NAV2: variants seen among roughly 807,000 people sequenced by gnomAD.
NAV2 encodes neuron navigator 2.
A neutral mutation model predicts 223.2 loss-of-function variants in NAV2; 54 were observed. The observed-to-expected ratio is 0.24, with a 90% CI of 0.19 to 0.30. The LOEUF (loss-of-function observed/expected upper bound fraction) is 0.30. Among genes scored for constraint, NAV2 ranks in the 10% least tolerant of loss-of-function variants. The pLI, the probability that NAV2 is intolerant of heterozygous loss-of-function variation, is 1.00. For missense variants in NAV2, 2,806 were observed against 3,147.5 expected, an observed-to-expected ratio of 0.89 and a Z score of 2.60; for synonymous variants, 1,279 against 1,239.3, an observed-to-expected ratio of 1.03 and a Z score of -0.67.
upstream of NAV2, among the ~76,000 whole-genome samples, chr11:19,350,094 A>ATGATGATGATGG (rs1853225803): frequency 6.6e-6 from 1 of 151,570 alleles, no homozygotes; most frequent in African/African-American, 2.4e-5. Context: ...TCTGATGATG[A>ATGATGATGATGG]TGATGATGAT....
At chr11:19,804,426 T>G (rs754128686) in intron 1 of NAV2, among the ~76,000 whole-genome samples, 3 of 152,196 alleles carry the variant, frequency 2.0e-5, no homozygotes, top group African/African-American at 7.2e-5. Flanking sequence ...TTAGTCCATT[T>G]GAAATGCAGG....
intron 1 of NAV2, among the ~76,000 whole-genome samples, chr11:19,618,146 G>A (rs1191484154): frequency 6.6e-6 from 1 of 152,122 alleles, no homozygotes; most frequent in Non-Finnish European, 1.5e-5. Context: ...TTTATTCTTT[G>A]ATGTAAATAA....
chr11:19,856,479 C>G (rs2061410721), intron 3 of NAV2, among the ~76,000 whole-genome samples: 1 of 152,134 alleles, frequency 6.6e-6, no homozygotes, highest in South Asian at 2.1e-4. Flanking sequence ...CAAAATTCCC[C>G]AAGTTATATA....
At chr11:19,487,874 G>A (rs2042498818) in intron 1 of NAV2, among the ~76,000 whole-genome samples, 2 of 152,192 alleles carry the variant, frequency 1.3e-5, no homozygotes, top group East Asian at 1.9e-4. Flanking sequence ...ACAAAGTAGA[G>A]GACCCAGTTG....
chr11:19,829,239 C>T (rs1284454963), intron 1 of NAV2, among the ~76,000 whole-genome samples: 1 of 152,158 alleles, frequency 6.6e-6, no homozygotes, highest in African/African-American at 2.4e-5. Context: ...TGAGGAAATC[C>T]CTCCAGGGTT....
chr11:19,556,846 A>T (rs538589892), intron 1 of NAV2, among the ~76,000 whole-genome samples: 1 of 152,366 alleles, frequency 6.6e-6, no homozygotes, highest in South Asian at 2.1e-4. Flanking sequence ...TTCATAATAA[A>T]TGACCATGCT....
intron 1 of NAV2, among the ~76,000 whole-genome samples, chr11:19,743,437 C>T (rs776241831): frequency 6.6e-6 from 1 of 152,242 alleles, no homozygotes; most frequent in African/African-American, 2.4e-5. Context: ...GCACTGGGGT[C>T]TTCCACCCGT....
At chr11:20,074,597 C>T (rs964057721) in intron 22 of NAV2, among the ~76,000 whole-genome samples, 12 of 151,998 alleles carry the variant, frequency 7.9e-5, no homozygotes, top group South Asian at 2.1e-4. Flanking sequence ...TAAGGACTTG[C>T]TTTATGAATC....
Position 19,671,541 on chromosome 11 carries a change from C to T in NAV2, c.76-160943C>T, listed in dbSNP as rs117997039. Among the ~76,000 whole-genome samples the T allele has an allele frequency of 8.9e-3, 1,357 of 152,246 alleles. 8 individuals carry two copies. The highest frequency in any genetic ancestry group is 0.015 in the Non-Finnish European group (997 of 68,022). ...GTTCCTGTCTTTCTCCTGCATCCAG[C>T]GAAGCTCCTTGTTGTCAGACTGAAC... is the stretch of plus-strand genomic sequence containing the variant. On this transcript the variant is annotated intron_variant, in intron 1 of 37. Transcript: ENST00000360655.
chr11:19,605,530 T>C (rs950774414), intron 1 of NAV2, among the ~76,000 whole-genome samples: 2 of 148,572 alleles, frequency 1.3e-5, no homozygotes, highest in African/African-American at 5.0e-5. Flanking sequence ...TTTCTAAATA[T>C]TATTTAAAAA....
Position 19,549,323 on chromosome 11 carries a change from G to T in NAV2, c.75+198296G>T, listed in dbSNP as rs114370856. Among the ~76,000 whole-genome samples, 666 of 152,274 alleles carry T rather than the reference G, an allele frequency of 4.4e-3. 3 individuals carry two copies. Among genetic ancestry groups the T allele is most frequent in the African/African-American group, 0.015 (640 of 41,552 alleles). On this transcript the variant is annotated intron_variant, in intron 1 of 37. Coordinates refer to the NAV2 transcript ENST00000360655. ...AAAGGTGATCCTCCTGGAGCCACTC[G>T]GGAGGCTGCCTTCACGAAGAGAGGT... is the stretch of plus-strand genomic sequence containing the variant.
chr11:19,630,190 C>G (rs569223520), intron 1 of NAV2, among the ~76,000 whole-genome samples: 67 of 152,296 alleles, frequency 4.4e-4, no homozygotes, highest in Non-Finnish European at 7.2e-4. Context: ...TGCTTCATCT[C>G]TCTGTATCTA....
At position 19,423,856 on chromosome 11, in the gene NAV2, G is replaced by A. The variant is rs193032907; in HGVS notation, c.75+72829G>A. Reference sequence around the variant, plus strand: ...CAGGTTTAGCCTTTTTGCTTGGGACGGGCCATCTGTGATTGAGAAATAACT... The same window carrying A: ...CAGGTTTAGCCTTTTTGCTTGGGACAGGCCATCTGTGATTGAGAAATAACT... On this transcript the variant is annotated intron_variant, in intron 1 of 37. Coordinates refer to the NAV2 transcript ENST00000360655. Among the ~76,000 whole-genome samples the A allele has an allele frequency of 1.3e-3, 200 of 152,216 alleles. 1 individual carries two copies. Among genetic ancestry groups the A allele is most frequent in the African/African-American group, 4.5e-3 (185 of 41,540 alleles).
chr11:19,483,131 G>A (rs761531419), intron 1 of NAV2, among the ~76,000 whole-genome samples: 1 of 152,208 alleles, frequency 6.6e-6, no homozygotes, highest in Non-Finnish European at 1.5e-5. Context: ...ACAATTTGTT[G>A]TAGGCAAGTA....
intron 6 of NAV2, among the ~76,000 whole-genome samples, chr11:19,895,094 CTT>C (rs1399430936): frequency 8.0e-5 from 10 of 124,422 alleles, no homozygotes; most frequent in Non-Finnish European, 1.2e-4. Context: ...TTTTCTTTTT[CTT>C]TTTCTTTCTT....
intron 26 of NAV2, among the ~76,000 whole-genome samples, chr11:20,086,853 G>C (rs1475898097): frequency 6.6e-6 from 1 of 152,132 alleles, no homozygotes; most frequent in African/African-American, 2.4e-5. Context: ...AGAGTGGGGA[G>C]TCGGAGCACT....
intron 1 of NAV2, among the ~76,000 whole-genome samples, chr11:19,492,853 C>G (rs900011186): frequency 6.6e-6 from 1 of 152,108 alleles, no homozygotes; most frequent in Non-Finnish European, 1.5e-5. Context: ...TATATTTTCA[C>G]CGAGGGAGGA....
intron 1 of NAV2, among the ~76,000 whole-genome samples, chr11:19,551,379 G>A (rs1436193318): frequency 6.6e-6 from 1 of 152,212 alleles, no homozygotes; most frequent in African/African-American, 2.4e-5. Flanking sequence ...TGCAGATCAG[G>A]CTGAGCCTCA....
chr11:19,400,486 G>A (rs1425604830), intron 1 of NAV2, among the ~76,000 whole-genome samples: 1 of 152,184 alleles, frequency 6.6e-6, no homozygotes, highest in Non-Finnish European at 1.5e-5. Context: ...CATAGTGCTA[G>A]GAAAACAACA....
Sources: gnomAD v4.1 joint callset for allele counts (sites outside exome capture counted in the v4.1 genomes callset) on GRCh38, gnomAD v4.1.1 for gene constraint, MANE v1.5 for transcripts, NCBI Gene and HGNC (gene_info 2026-07-23, HGNC 2026-07-21) for gene names.